The following RINL variants were observed in gnomAD, a reference collection of about 807,000 sequenced individuals.
RINL encodes ras and Rab interactor-like protein.
A neutral mutation model predicts 58.1 loss-of-function variants in RINL; 39 were observed. The ratio of observed to expected loss-of-function variants is 0.67; its 90% CI spans 0.52 to 0.88. The LOEUF is 0.88. Among genes scored for constraint, RINL ranks in the 40% least tolerant of loss-of-function variants. The pLI is 0.00. For missense variants in RINL, 711 were observed against 749.2 expected (o/e 0.95, Z 0.60); for synonymous variants, 286 against 323.1 (o/e 0.89, Z 1.23).
Position 38,870,682 on chromosome 19 carries a change from C to T in RINL, c.912G>A (p.Gln304=). The change falls in exon 8 of 12, where the codon CAG becomes CAA. Residue 304 remains glutamine, a synonymous_variant. Transcript: ENST00000591812. The surrounding 1 kb of genome is among the most constrained non-coding windows in gnomAD (Gnocchi z 5.8). ...GSGDPATELL[Q]DVRHLLTDLQ... is the part of the protein sequence containing the mutation. Reference sequence around the variant, plus strand: ...GGTCAGTAAGGAGGTGCCGCACATCCTGAAGCAGCTCCGTGGCCGGGTCCC... The same window carrying T: ...GGTCAGTAAGGAGGTGCCGCACATCTTGAAGCAGCTCCGTGGCCGGGTCCC... 1 of 1,613,812 alleles carries T rather than the reference C, an allele frequency of 6.2e-7. No individual in the cohort carries two copies. Among genetic ancestry groups the T allele is most frequent in the East Asian group, 2.2e-5 (1 of 44,854 alleles).
intron 1 of RINL, among the ~76,000 whole-genome samples, chr19:38,877,729 C>G (rs1972968986): frequency 6.6e-6 from 1 of 152,188 alleles, no homozygotes; most frequent in African/African-American, 2.4e-5. Context: ...TAGGGTGGCA[C>G]TTATCCCAGC....
At chr19:38,871,553 A>T in intron 6 of RINL, 94 bp downstream of exon 6, 1 of 1,187,240 alleles carries the variant, frequency 8.4e-7, no homozygotes, top group Non-Finnish European at 1.2e-6. Flanking sequence ...ATTCTCCTCA[A>T]ACCCAGTAGT....
At position 38,870,911 on chromosome 19, in the gene RINL, A is replaced by G; in HGVS notation, c.683T>C (p.Leu228Pro). The change falls in exon 8 of 12, where the codon CTC (leucine) becomes CCC (proline). Residue 228 changes from leucine (L) to proline (P), a missense_variant. Leu to Pro is a moderately conservative substitution (Grantham distance 98, BLOSUM62 -3). Coordinates refer to ENST00000591812, the MANE Select transcript of RINL (RefSeq NM_001195833.2). The surrounding 1 kb of genome is among the most constrained non-coding windows in gnomAD (Gnocchi z 5.8). Reference protein sequence around the residue: ...SPEVDHPGPALASLLEEEEED... With the variant: ...SPEVDHPGPAPASLLEEEEED... ...CTCCTCCTCTTCCAGTAGGCTGGCG[A>G]GAGCCGGCCCAGGATGGTCCACTTC... 1 of 1,604,892 alleles carries G rather than the reference A, an allele frequency of 6.2e-7. No individual in the cohort carries two copies.
At position 38,873,944 on chromosome 19, in the gene RINL, C is replaced by T. The variant is rs61747761; in HGVS notation, c.255G>A (p.Leu85=). The change falls in exon 4 of 12, where the codon TTG becomes TTA. Residue 85 remains leucine (L), a synonymous_variant. Transcript: ENST00000591812. Reference sequence around the variant, plus strand: ...CTTCTCCTGGTAAAGGTCCTGACCTCAACACCAGGGCCTGGCTGGGGTCAC... The same window carrying T: ...CTTCTCCTGGTAAAGGTCCTGACCTTAACACCAGGGCCTGGCTGGGGTCAC... The part of the protein sequence containing the change: ...TGRDPSQALV[L]RSGPLPGEVN... 182,242 of 1,534,364 alleles carry T rather than the reference C, an allele frequency of 0.12. 11,884 individuals are homozygous for T. The highest frequency in any genetic ancestry group is 0.19 in the Middle Eastern group (1,132 of 5,978).
rs1972780577 is a variant in RINL at position 38,870,447 on chromosome 19, G to A, written c.1024+123C>T. The A allele has an allele frequency of 2.7e-5, 33 of 1,212,758 alleles. No individual in the cohort carries two copies. Among genetic ancestry groups the A allele is most frequent in the Non-Finnish European group, 3.7e-5 (33 of 895,424 alleles). The allele number at this position is 1,212,758 out of a possible 1,614,324, so 75.1% of individuals were successfully genotyped here. ...TGTGAACTTGCGCGCATACGTGGGC[G>A]ATAGAACGCGTGGGATGTGTAGGAA... On this transcript the variant is annotated intron_variant, in intron 8 of 11. Transcript: ENST00000591812. This position sits in a 1 kb window ranked among gnomAD's most constrained non-coding sequence, Gnocchi z 5.8.
intron 3 of RINL, among the ~76,000 whole-genome samples, chr19:38,875,536 G>A (rs1281052155): frequency 1.3e-5 from 2 of 150,784 alleles, no homozygotes; most frequent in Non-Finnish European, 3.0e-5. Context: ...AATTAGCCGG[G>A]CGTTGTGGCA....
chr19:38,871,591 T>G, intron 6 of RINL, 56 bp downstream of exon 6: 1 of 1,532,754 alleles, frequency 6.5e-7, no homozygotes, highest in Non-Finnish European at 9.0e-7. Context: ...ATTCATTCCC[T>G]TGGAGCAAGG....
Position 38,871,231 on chromosome 19 carries a change from G to C in RINL, c.452-4C>G. On this transcript the variant is annotated splice_region_variant and splice_polypyrimidine_tract_variant and intron_variant, in intron 6 of 11. Transcript: ENST00000591812. ...ACCCTGCCGATCTGCACAGGATCTG[G>C]AGCCAGCAGAAGTGAGAAGGTGTCC... The C allele has an allele frequency of 1.2e-6, 2 of 1,613,960 alleles. No individual in the cohort carries two copies. Among genetic ancestry groups the C allele is most frequent in the Non-Finnish European group, 1.7e-6 (2 of 1,179,996 alleles).
At chr19:38,875,658 C>T (rs1421035981) in intron 3 of RINL, among the ~76,000 whole-genome samples, 1 of 146,764 alleles carries the variant, frequency 6.8e-6, no homozygotes, top group Non-Finnish European at 1.5e-5. Context: ...GCCTGGGCAA[C>T]AAGAGTGAAA....
rs560514643 is a variant in RINL at position 38,870,121 on chromosome 19, C to T, written c.1164G>A (p.Gly388=). 4.4e-4 allele frequency: 629 copies of T among 1,421,752 alleles called. 4 individuals carry two copies. In the South Asian group the frequency reaches 5.3e-3, roughly 12 times the overall value. The allele number at this position is 1,421,752 out of a possible 1,614,324, so 88.1% of individuals were successfully genotyped here. The change falls in exon 9 of 12, where the codon GGG becomes GGA. Residue 388 remains glycine, a synonymous_variant. Transcript: ENST00000591812. This position sits in a 1 kb window ranked among gnomAD's most constrained non-coding sequence, Gnocchi z 5.8. ...GTCCCGGCCCCTGTGCCCCCGGAGG[C>T]CCCGCCCCCGCCCGCAGGGCTGTCT... ...RRQTALRAGA[G]PPGAQGPGPE... is the part of the protein sequence containing the mutation.
At position 38,868,976 on chromosome 19, in the gene RINL, T is replaced by G. The variant is rs1485919327; in HGVS notation, c.*128A>C. ...GCCCGGCTAATTTTTGTTTTTTTTT[T>G]TTTTTGGTAGATGGGGGTCCCACTG... is the stretch of plus-strand genomic sequence containing the variant. On this transcript the variant is annotated 3_prime_UTR_variant, in exon 12 of 12. Transcript: ENST00000591812. 2.5e-6 allele frequency: 2 copies of G among 815,228 alleles called. No homozygotes were observed. The highest frequency in any genetic ancestry group is 1.8e-6 in the Non-Finnish European group (1 of 543,962). The allele number at this position is 815,228 out of a possible 1,614,324, so 50.5% of individuals were successfully genotyped here.
intron 3 of RINL, among the ~76,000 whole-genome samples, chr19:38,874,900 C>T (rs1003412945): frequency 3.3e-5 from 5 of 151,690 alleles, no homozygotes; most frequent in African/African-American, 7.3e-5. Flanking sequence ...TTTGGGAGGC[C>T]GAGGCGGGTG....
chr19:38,876,416 C>G lies in RINL; in HGVS notation c.125G>C (p.Arg42Pro). The change falls in exon 3 of 12, where the codon CGC becomes CCC. Residue 42 changes from arginine (R) to proline (P), a missense_variant. Arg to Pro is a moderately radical substitution (Grantham distance 103). Transcript: ENST00000591812. ...CCACACCCCCCATGTCCTCTGCAGG[C>G]GAGTAAGTGGCTCTAGGGTGCTGAG... ...GVLSTLEPLT[R>P]LQRTWGVWHV... 6.5e-7 allele frequency: 1 copy of G among 1,536,070 alleles called. No individual in the cohort carries two copies. Among genetic ancestry groups the G allele is most frequent in the Non-Finnish European group, 8.7e-7 (1 of 1,146,878 alleles).
At position 38,869,772 on chromosome 19, in the gene RINL, G is replaced by C; in HGVS notation, c.1343-68C>G. On this transcript the variant is annotated intron_variant, in intron 9 of 11. Transcript: ENST00000591812. This position sits in a 1 kb window ranked among gnomAD's most constrained non-coding sequence, Gnocchi z 5.7. ...CAAGGCGCGTAGACACCTTCCATCC[G>C]ATCCCCAGGACCACGAGGGCTGGCT... The C allele has an allele frequency of 6.3e-7, 1 of 1,598,388 alleles. No homozygotes were observed. Among genetic ancestry groups the C allele is most frequent in the Non-Finnish European group, 8.5e-7 (1 of 1,171,144 alleles).
At chr19:38,877,889 A>G (rs1344152751) in intron 1 of RINL, among the ~76,000 whole-genome samples, 2 of 152,208 alleles carry the variant, frequency 1.3e-5, no homozygotes, top group Non-Finnish European at 2.9e-5. Flanking sequence ...GGTGATGAAC[A>G]GGACAGGCTC....
chr19:38,870,865 C>T lies in RINL; in HGVS notation c.729G>A (p.Glu243=), dbSNP rs1308336294. ...EEEEEDLEGK[E]EGREDDPEEE... ...CTTCAGGGTCGTCCTCCCTTCCTTC[C>T]TCCTTTCCTTCAAGGTCTTCCTCCT... The change falls in exon 8 of 12, where the codon GAG becomes GAA. Residue 243 remains glutamate, a synonymous_variant. Coordinates refer to ENST00000591812, the MANE Select transcript of RINL (RefSeq NM_001195833.2). This position sits in a 1 kb window ranked among gnomAD's most constrained non-coding sequence, Gnocchi z 5.8. 1 of 1,605,762 alleles carries T rather than the reference C, an allele frequency of 6.2e-7. No individual in the cohort carries two copies. Among genetic ancestry groups the T allele is most frequent in the Admixed American group, 1.7e-5 (1 of 60,028 alleles).
chr19:38,868,892 C>T lies in RINL; in HGVS notation c.*212G>A, dbSNP rs1363266439. 2.9e-5 allele frequency: 15 copies of T among 508,936 alleles called. No homozygotes were observed. The highest frequency in any genetic ancestry group is 2.2e-4 in the East Asian group (7 of 32,216). 31.5% of individuals were successfully genotyped at this position (508,936 alleles called of 1,614,324 possible). A position where few individuals can be genotyped will look rare whatever the true frequency, so the allele number is the denominator to read the frequency against. On this transcript the variant is annotated 3_prime_UTR_variant, in exon 12 of 12. Transcript: ENST00000591812. ...CACCTCAGTGAGGCTTTCTCTGATACGCCTGTCTAAAACTGCAAAGCCTCC... is the reference window on the plus strand; with the variant it reads ...CACCTCAGTGAGGCTTTCTCTGATATGCCTGTCTAAAACTGCAAAGCCTCC...
Position 38,870,705 on chromosome 19 carries a change from C to A in RINL, c.889G>T (p.Asp297Tyr). 1.2e-6 allele frequency: 2 copies of A among 1,613,584 alleles called. No individual in the cohort carries two copies. Among genetic ancestry groups the A allele is most frequent in the Non-Finnish European group, 1.7e-6 (2 of 1,179,926 alleles). The part of the protein sequence containing the change: ...SDSGGPHGSG[D>Y]PATELLQDVR... The stretch of plus-strand genomic sequence containing the variant: ...TCCTGAAGCAGCTCCGTGGCCGGGT[C>A]CCCAGACCCGTGGGGACCCCCAGAA... The change falls in exon 8 of 12, where the codon GAC becomes TAC. Residue 297 changes from aspartate to tyrosine, a missense_variant. Physicochemically the swap from Asp to Tyr is radical, Grantham distance 160 (BLOSUM62 -3). Coordinates refer to ENST00000591812, the MANE Select transcript of RINL (RefSeq NM_001195833.2). The surrounding 1 kb of genome is among the most constrained non-coding windows in gnomAD (Gnocchi z 5.8).
Position 38,871,834 on chromosome 19 carries a change from T to C in RINL, c.350A>G (p.Asp117Gly). The C allele has an allele frequency of 6.2e-7, 1 of 1,614,070 alleles. No homozygotes were observed. The highest frequency in any genetic ancestry group is 8.5e-7 in the Non-Finnish European group (1 of 1,179,982). The change falls in exon 5 of 12, where the codon GAC becomes GGC. Residue 117 changes from aspartate (D) to glycine (G), a missense_variant. By Grantham distance (94) the Asp-to-Gly change is moderately conservative. Transcript: ENST00000591812. Reference sequence around the variant, plus strand: ...TAGAAAGGCCAGGAGATGGGGCAGGTCTGGCATGCAGAGGTTGGAGGATTC... The same window carrying C: ...TAGAAAGGCCAGGAGATGGGGCAGGCCTGGCATGCAGAGGTTGGAGGATTC... ...SLESSNLCMPDLPHLLAFLSA... is the reference protein window; with the variant it reads ...SLESSNLCMPGLPHLLAFLSA...
Sources: gnomAD v4.1 joint callset for allele counts (sites outside exome capture counted in the v4.1 genomes callset) on GRCh38, gnomAD v4.1.1 for gene constraint, Gnocchi (gnomAD v3.1) non-coding constraint, MANE v1.5 for transcripts, NCBI Gene and HGNC (gene_info 2026-07-23, HGNC 2026-07-21) for gene names.